Variants in MSANTD5 observed in about 807,000 individuals in gnomAD.
MSANTD5 encodes Myb/SANT DNA binding domain containing 5, also known as uncharacterized protein MSANTD5.
At chr5:178,703,645 A>T in the MSANTD5 span, among the ~76,000 whole-genome samples, 1 of 152,078 alleles carries the variant, frequency 6.6e-6, no homozygotes, top group African/African-American at 2.4e-5. Flanking sequence ...TATATTTCAA[A>T]ATAGCTATGA....
the MSANTD5 span, among the ~76,000 whole-genome samples, chr5:178,705,915 C>A: frequency 5.3e-5 from 8 of 152,288 alleles, no homozygotes; most frequent in East Asian, 1.4e-3. Flanking sequence ...CGAGATCACA[C>A]CACTGCACTC....
chr5:178,700,385 A>G (rs1765463744), upstream of MSANTD5, among the ~76,000 whole-genome samples: 2 of 152,222 alleles, frequency 1.3e-5, no homozygotes, highest in South Asian at 4.1e-4. Flanking sequence ...GCCAATTCCA[A>G]TCATTCAAAT....
chr5:178,703,612 C>G, the MSANTD5 span, among the ~76,000 whole-genome samples: 1 of 152,084 alleles, frequency 6.6e-6, no homozygotes, highest in African/African-American at 2.4e-5. Context: ...AGTAGGGTGA[C>G]TACAGTTTAC....
chr5:178,697,306 T>C (rs971260982), intron 1 of MSANTD5, among the ~76,000 whole-genome samples: 2 of 150,982 alleles, frequency 1.3e-5, no homozygotes, highest in African/African-American at 2.5e-5. Flanking sequence ...TACAAAAAAT[T>C]AGCCGGGCGT....
At chr5:178,700,836 G>A (rs11739893), upstream of MSANTD5, among the ~76,000 whole-genome samples, 32,983 of 152,152 alleles carry the variant, frequency 0.22, 4,204 homozygotes, top group South Asian at 0.36. Flanking sequence ...GCCTAGGGCA[G>A]GAGATTGGGA....
Position 178,697,016 on chromosome 5 carries a change from A to G in MSANTD5, c.6+570T>C, listed in dbSNP as rs375035898. On this transcript the variant is annotated intron_variant, in intron 1 of 3. Coordinates refer to ENST00000648368, the Ensembl canonical transcript of MSANTD5. ...GCCTAGTCCAAGGGGCTTTGAAGAGAGTGCTAGGAGAGTAGCGCCTCAGCA... is the reference window on the plus strand; with the variant it reads ...GCCTAGTCCAAGGGGCTTTGAAGAGGGTGCTAGGAGAGTAGCGCCTCAGCA... Among the ~76,000 whole-genome samples, 15 of 152,254 alleles carry G rather than the reference A, an allele frequency of 9.9e-5. 1 individual carries two copies. In the South Asian group the frequency reaches 1.2e-3, roughly 13 times the overall value.
chr5:178,695,709 T>C (rs899388271), intron 2 of MSANTD5, 111 bp from the exon 3 acceptor site: 2 of 152,180 alleles, frequency 1.3e-5, no homozygotes, highest in Non-Finnish European at 2.9e-5. Flanking sequence ...TTATGGGAGA[T>C]AATAGGACCT....
downstream of MSANTD5, among the ~76,000 whole-genome samples, chr5:178,693,102 G>A (rs1765373479): frequency 6.6e-6 from 1 of 152,014 alleles, no homozygotes; most frequent in Non-Finnish European, 1.5e-5. Flanking sequence ...CTGAGGTCGG[G>A]AGTTTGAGAC....
chr5:178,704,389 G>A, the MSANTD5 span, among the ~76,000 whole-genome samples: 2 of 152,184 alleles, frequency 1.3e-5, no homozygotes, highest in Non-Finnish European at 2.9e-5. Context: ...GGAGTCCAAA[G>A]AGAGCTTGAT....
the MSANTD5 span, chr5:178,706,953 A>G: frequency 1.3e-5 from 2 of 152,114 alleles, no homozygotes; most frequent in African/African-American, 4.8e-5. Context: ...TAGTTTTCCG[A>G]CCAGTTTTGG....
chr5:178,703,385 G>C, the MSANTD5 span, among the ~76,000 whole-genome samples: 1 of 152,152 alleles, frequency 6.6e-6, no homozygotes, highest in South Asian at 2.1e-4. Flanking sequence ...GAGGAGACTT[G>C]GTCCTCCATT....
At chr5:178,692,072 TAAAA>T (rs58907781), downstream of MSANTD5, among the ~76,000 whole-genome samples, 2 of 91,180 alleles carry the variant, frequency 2.2e-5, no homozygotes, top group South Asian at 3.4e-4. Flanking sequence ...TGGCAGTTTC[TAAAA>T]AAAAAAAAAA....
the MSANTD5 span, among the ~76,000 whole-genome samples, chr5:178,703,930 G>A: frequency 2.0e-5 from 3 of 148,560 alleles, no homozygotes; most frequent in Non-Finnish European, 4.4e-5. Flanking sequence ...GCAGTGAGCC[G>A]AGATCACGCC....
downstream of MSANTD5, among the ~76,000 whole-genome samples, chr5:178,691,924 T>C (rs1458845151): frequency 7.4e-6 from 1 of 135,634 alleles, no homozygotes; most frequent in Non-Finnish European, 1.7e-5. Flanking sequence ...CCCTCTGCGA[T>C]GGACACTCTG....
At chr5:178,692,177 C>T (rs184678050), downstream of MSANTD5, among the ~76,000 whole-genome samples, 7 of 132,356 alleles carry the variant, frequency 5.3e-5, 1 homozygote, top group Admixed American at 1.5e-4. Flanking sequence ...CTCAAGAGTT[C>T]GAGACAAGCC....
chr5:178,705,075 A>C, the MSANTD5 span, among the ~76,000 whole-genome samples: 4 of 151,688 alleles, frequency 2.6e-5, no homozygotes, highest in East Asian at 7.8e-4. Context: ...TTGAGACGGA[A>C]TCTTGCTCTG....
At chr5:178,705,841 CA>C in the MSANTD5 span, among the ~76,000 whole-genome samples, 4 of 152,080 alleles carry the variant, frequency 2.6e-5, no homozygotes, top group Non-Finnish European at 5.9e-5. Context: ...CCTGTAGTCC[CA>C]GCTACTCAGG....
intron 1 of MSANTD5, among the ~76,000 whole-genome samples, chr5:178,697,246 A>C (rs1345241409): frequency 6.6e-6 from 1 of 151,198 alleles, no homozygotes; most frequent in South Asian, 2.1e-4. Flanking sequence ...CGAGGTCAGG[A>C]GATCGAGACC....
chr5:178,706,348 G>C, the MSANTD5 span, among the ~76,000 whole-genome samples: 1 of 152,034 alleles, frequency 6.6e-6, no homozygotes, highest in Non-Finnish European at 1.5e-5. Flanking sequence ...ACTTGTAACT[G>C]AATTTCCCCA....
Sources: gnomAD v4.1 joint callset for allele counts (sites outside exome capture counted in the v4.1 genomes callset) on GRCh38, gnomAD v4.1.1 for gene constraint, MANE v1.5 for transcripts, NCBI Gene and HGNC (gene_info 2026-07-23, HGNC 2026-07-21) for gene names.